The following PDLIM7 variants were observed in gnomAD, a reference collection of about 807,000 sequenced individuals.
PDLIM7 encodes PDZ and LIM domain 7.
Under a neutral mutation model 53.9 loss-of-function variants are expected in PDLIM7, and 37 were observed. That is an observed-to-expected ratio of 0.69 (90% confidence interval 0.53 to 0.90). The LOEUF is 0.90. PDLIM7 is among the 40% of genes least tolerant of loss of function. The pLI, the probability that PDLIM7 is intolerant of heterozygous loss-of-function variation, is 0.00. For missense variants in PDLIM7, 617 were observed against 638.5 expected (o/e 0.97, Z 0.36); for synonymous variants, 300 against 261.3 (o/e 1.15, Z -1.43).
At chr5:177,490,532 G>T (rs868061566) in intron 7 of PDLIM7, 1 of 1,566,744 alleles carries the variant, frequency 6.4e-7, no homozygotes, top group East Asian at 2.4e-5. Flanking sequence ...GCAGAGCGCT[G>T]GTGGTGCCAG....
chr5:177,492,338 G>C (rs1421450671), intron 4 of PDLIM7, 67 bp downstream of exon 4: 2 of 1,575,754 alleles, frequency 1.3e-6, no homozygotes, highest in Non-Finnish European at 1.7e-6. Context: ...TGTGCCAGGA[G>C]GGCGAGCAGG....
In PDLIM7 at chr5:177,483,632, G is replaced by A. The variant is rs1214564609; in HGVS notation, c.*12C>T. On this transcript the variant is annotated 3_prime_UTR_variant, in exon 13 of 13. Transcript: ENST00000355841. ...GCTAGGGGCCACCGCGGCAGCTGTGGGCAGAAGGGGCTCACACATGAGAGA... is the reference window on the plus strand; with the variant it reads ...GCTAGGGGCCACCGCGGCAGCTGTGAGCAGAAGGGGCTCACACATGAGAGA... The A allele has an allele frequency of 6.3e-7, 1 of 1,592,338 alleles. No individual in the cohort carries two copies. The highest frequency in any genetic ancestry group is 8.6e-7 in the Non-Finnish European group (1 of 1,161,554).
At chr5:177,488,906 G>C (rs1304928876) in intron 9 of PDLIM7, among the ~76,000 whole-genome samples, 1 of 149,880 alleles carries the variant, frequency 6.7e-6, no homozygotes, top group Non-Finnish European at 1.5e-5. Context: ...AAAAAAAAAA[G>C]AGCTGACAGA....
At chr5:177,495,530 TTG>T (rs2127415479) in intron 2 of PDLIM7, among the ~76,000 whole-genome samples, 2 of 152,338 alleles carry the variant, frequency 1.3e-5, no homozygotes, top group South Asian at 4.1e-4. Flanking sequence ...GGCAGGCAAT[TTG>T]TTGTGTCTCA....
intron 7 of PDLIM7, chr5:177,490,588 T>C: frequency 6.4e-7 from 1 of 1,552,462 alleles, no homozygotes; most frequent in Non-Finnish European, 8.7e-7. Flanking sequence ...CAGGACATAC[T>C]TTTCCCTGAG....
rs1274793388 is a variant in PDLIM7, at chr5:177,491,420, C to G, written c.399-274G>C. 4.5e-6 allele frequency: 7 copies of G among 1,550,872 alleles called. No individual in the cohort carries two copies. The East Asian group carries it at 1.7e-4, about 38-fold the overall frequency. ...CTCACTGACTTGTCAGGGGTCTGCA[C>G]CTGTGAAGGAAATAAGACAGACAGA... is the stretch of plus-strand genomic sequence containing the variant. On this transcript the variant is annotated intron_variant, in intron 5 of 12. Coordinates refer to ENST00000355841, the MANE Select transcript of PDLIM7 (RefSeq NM_005451.5).
At chr5:177,486,874 G>A (rs564157492) in intron 10 of PDLIM7, among the ~76,000 whole-genome samples, 28 of 142,668 alleles carry the variant, frequency 2.0e-4, no homozygotes, top group East Asian at 4.2e-4. Context: ...CTCGTGATCC[G>A]CCCATCTCGG....
At chr5:177,494,252 C>G (rs534785981) in intron 2 of PDLIM7, among the ~76,000 whole-genome samples, 1 of 152,250 alleles carries the variant, frequency 6.6e-6, no homozygotes, top group African/African-American at 2.4e-5. Flanking sequence ...CAGGAAGTGT[C>G]TCTGACCCTA....
chr5:177,490,511 T>C, intron 7 of PDLIM7: 2 of 1,561,194 alleles, frequency 1.3e-6, no homozygotes, highest in Non-Finnish European at 1.7e-6. Flanking sequence ...GACTGCACGT[T>C]GAGCACGTGG....
intron 7 of PDLIM7, 200 bp downstream of exon 7, chr5:177,490,670 G>C (rs1219674520): frequency 1.0e-6 from 1 of 1,003,382 alleles, no homozygotes; most frequent in Non-Finnish European, 1.5e-6. Context: ...AGGAGGGAAG[G>C]AAGGAGGGAG....
At chr5:177,488,382 A>G in intron 9 of PDLIM7, 134 bp from the exon 10 acceptor site, 1 of 693,412 alleles carries the variant, frequency 1.4e-6, no homozygotes, top group Non-Finnish European at 2.3e-6. Flanking sequence ...CACATAGGAT[A>G]GAAGACAGGC....
chr5:177,491,240 TGATG>T lies in PDLIM7; in HGVS notation c.399-98_399-95del, dbSNP rs1354514062. ...TGGTGCATGTGGGTTTGGGTTACAG[TGATG>T]GGAGGGAGTGGGTAAGGGTGAGGCC... On this transcript the variant is annotated intron_variant, in intron 5 of 12. Coordinates refer to ENST00000355841, the MANE Select transcript of PDLIM7 (RefSeq NM_005451.5). 8 of 1,466,840 alleles carry T rather than the reference TGATG, an allele frequency of 5.5e-6. No individual in the cohort carries two copies. In the African/African-American group the frequency reaches 9.8e-5, roughly 18 times the overall value. The allele number at this position is 1,466,840 out of a possible 1,614,324, so 90.9% of individuals were successfully genotyped here.
chr5:177,484,312 T>C (rs1274291133), intron 10 of PDLIM7, 122 bp from the exon 11 acceptor site: 13 of 1,202,588 alleles, frequency 1.1e-5, no homozygotes, highest in Non-Finnish European at 1.5e-5. Context: ...TACATCTAAC[T>C]GTTCAGGACT....
At chr5:177,496,375 G>GA (rs755183991) in intron 2 of PDLIM7, 42 bp downstream of exon 2, 1 of 1,457,500 alleles carries the variant, frequency 6.9e-7, no homozygotes, top group East Asian at 2.6e-5. Flanking sequence ...CCTAAGCACC[G>GA]AAAGACCGCT....
intron 10 of PDLIM7, chr5:177,484,574 C>T (rs114425563): frequency 0.013 from 2,820 of 223,276 alleles, 32 homozygotes; most frequent in South Asian, 0.02. Context: ...ATTCTGAGTG[C>T]TTCTCACAGC....
In PDLIM7 at chr5:177,492,511, T is replaced by C. The variant is rs750352501; in HGVS notation, c.248+15A>G. 9 of 1,613,762 alleles carry C rather than the reference T, an allele frequency of 5.6e-6. No individual in the cohort carries two copies. Among genetic ancestry groups the C allele is most frequent in the Middle Eastern group, 1.7e-4 (1 of 6,060 alleles). On this transcript the variant is annotated intron_variant, in intron 3 of 12. Transcript: ENST00000355841. Reference sequence around the variant, plus strand: ...CTGCCAGCGCGGGCGCACCCATCCATGTCCACCCGCATACCTGCTGAGGCC... The same window carrying C: ...CTGCCAGCGCGGGCGCACCCATCCACGTCCACCCGCATACCTGCTGAGGCC...
At chr5:177,489,996 C>T in intron 7 of PDLIM7, 164 bp from the exon 8 acceptor site, 1 of 1,535,194 alleles carries the variant, frequency 6.5e-7, no homozygotes, top group Non-Finnish European at 8.7e-7. Context: ...GCAGCTTCTC[C>T]TAGCAATGTC....
chr5:177,489,494 C>T lies in PDLIM7; in HGVS notation c.768G>A (p.Gln256=), dbSNP rs755956596. ...HSQPATPTPL[Q]SRTSIVQAAA... is the part of the protein sequence containing the mutation. Reference sequence around the variant, plus strand: ...CTGCCTGCACAATGGAGGTGCGGCTCTGCAGCGGCGTGGGCGTGGCCGGCT... The same window carrying T: ...CTGCCTGCACAATGGAGGTGCGGCTTTGCAGCGGCGTGGGCGTGGCCGGCT... Residue 256 remains glutamine (Q), a synonymous_variant, in exon 9 of 13, where the codon CAG becomes CAA. Transcript: ENST00000355841. The T allele has an allele frequency of 5.6e-6, 9 of 1,608,322 alleles. No individual in the cohort carries two copies. Among genetic ancestry groups the T allele is most frequent in the Non-Finnish European group, 7.6e-6 (9 of 1,178,134 alleles).
At chr5:177,490,325 C>G in intron 7 of PDLIM7, 10 of 1,446,752 alleles carry the variant, frequency 6.9e-6, no homozygotes, top group Non-Finnish European at 9.0e-6. Flanking sequence ...AGAGGGAAGG[C>G]AGTGTCAGAT....
Sources: gnomAD v4.1 joint callset for allele counts (sites outside exome capture counted in the v4.1 genomes callset) on GRCh38, gnomAD v4.1.1 for gene constraint, MANE v1.5 for transcripts, NCBI Gene and HGNC (gene_info 2026-07-23, HGNC 2026-07-21) for gene names.